TMEM132D: variants seen among roughly 807,000 people sequenced by gnomAD.
TMEM132D encodes mature OL transmembrane protein.
TMEM132D carries 21 observed loss-of-function variants against 62.3 expected under a neutral mutation model. The observed-to-expected ratio is 0.34, with a 90% CI of 0.24 to 0.49. The LOEUF is 0.49. TMEM132D is among the 20% of genes least tolerant of loss of function. TMEM132D has a pLI of 0.99. For synonymous variants in TMEM132D, 621 were observed against 575.6 expected (o/e 1.08, Z -1.13); for missense variants, 1,346 against 1,402.8 (o/e 0.96, Z 0.65).
chr12:129,610,995 A>G (rs1057058985), intron 2 of TMEM132D, among the ~76,000 whole-genome samples: 1 of 152,182 alleles, frequency 6.6e-6, no homozygotes, highest in African/African-American at 2.4e-5. Flanking sequence ...ATATTCATCA[A>G]TCCCCAAACT....
chr12:129,313,100 G>C (rs186564234), intron 4 of TMEM132D, among the ~76,000 whole-genome samples: 2 of 152,308 alleles, frequency 1.3e-5, no homozygotes, highest in Non-Finnish European at 2.9e-5. Flanking sequence ...ATGCTTACTA[G>C]AGAGCCAAGA....
intron 2 of TMEM132D, among the ~76,000 whole-genome samples, chr12:129,572,123 C>A (rs896005180): frequency 2.2e-4 from 33 of 152,210 alleles, no homozygotes; most frequent in Admixed American, 1.1e-3. Flanking sequence ...GGCCTCACTG[C>A]CCCTTCCCGA....
At chr12:129,859,637 G>C (rs189572162) in intron 1 of TMEM132D, among the ~76,000 whole-genome samples, 2 of 152,122 alleles carry the variant, frequency 1.3e-5, no homozygotes, top group African/African-American at 4.8e-5. Context: ...CTGCCAACGC[G>C]GCTAGAAAAA....
At chr12:129,390,311 A>G (rs1229915818) in intron 3 of TMEM132D, among the ~76,000 whole-genome samples, 2 of 152,104 alleles carry the variant, frequency 1.3e-5, no homozygotes, top group Non-Finnish European at 2.9e-5. Context: ...GGCCCAGTTG[A>G]GTAGCTGAGG....
chr12:129,602,672 G>A (rs185057138), intron 2 of TMEM132D, among the ~76,000 whole-genome samples: 94 of 152,168 alleles, frequency 6.2e-4, no homozygotes, highest in Non-Finnish European at 9.7e-4. Context: ...TGAGAGGCAG[G>A]TACAGAGATT....
At chr12:129,117,945 T>G (rs1875944162) in intron 5 of TMEM132D, among the ~76,000 whole-genome samples, 1 of 152,246 alleles carries the variant, frequency 6.6e-6, no homozygotes, top group Non-Finnish European at 1.5e-5. Context: ...GCAGGAAGCA[T>G]GTGTGGTGAC....
At chr12:129,323,252 TA>T (rs879489402) in intron 4 of TMEM132D, among the ~76,000 whole-genome samples, 7 of 151,324 alleles carry the variant, frequency 4.6e-5, no homozygotes, top group African/African-American at 1.5e-4. Flanking sequence ...TTTTACAATT[TA>T]AAAAAAAAGC....
intron 3 of TMEM132D, among the ~76,000 whole-genome samples, chr12:129,410,667 A>G (rs1871942496): frequency 6.6e-6 from 1 of 152,116 alleles, no homozygotes; most frequent in African/African-American, 2.4e-5. Flanking sequence ...GGCCTTCTCA[A>G]TGAACTTCTA....
intron 5 of TMEM132D, among the ~76,000 whole-genome samples, chr12:129,143,863 T>G (rs2135531696): frequency 6.6e-6 from 1 of 152,236 alleles, no homozygotes; most frequent in East Asian, 1.9e-4. Context: ...CGATACAATT[T>G]GAGAACTCAA....
chr12:129,808,013 A>G (rs1028961157), intron 1 of TMEM132D, among the ~76,000 whole-genome samples: 7 of 152,094 alleles, frequency 4.6e-5, no homozygotes, highest in African/African-American at 1.7e-4. Context: ...TGCTAGCAAA[A>G]CTCAGAGTAG....
intron 3 of TMEM132D, among the ~76,000 whole-genome samples, chr12:129,387,079 GAACACT>G (rs1335782134): frequency 1.3e-5 from 2 of 150,148 alleles, no homozygotes; most frequent in Non-Finnish European, 3.0e-5. Flanking sequence ...ACACCAACAC[GAACACT>G]AACACCAGCA....
chr12:129,287,165 C>A (rs1469847913), intron 4 of TMEM132D, among the ~76,000 whole-genome samples: 1 of 151,766 alleles, frequency 6.6e-6, no homozygotes, highest in Non-Finnish European at 1.5e-5. Context: ...AAGGAAAGTG[C>A]TCAAAAAAAG....
At chr12:129,246,996 A>G (rs1385119685) in intron 4 of TMEM132D, among the ~76,000 whole-genome samples, 1 of 152,220 alleles carries the variant, frequency 6.6e-6, no homozygotes, top group Non-Finnish European at 1.5e-5. Context: ...TTAAGCTGGT[A>G]TCAAAGGTAT....
chr12:129,850,107 T>G (rs1473887637), intron 1 of TMEM132D, among the ~76,000 whole-genome samples: 1 of 152,236 alleles, frequency 6.6e-6, no homozygotes, highest in East Asian at 1.9e-4. Context: ...TCTGAAGGTA[T>G]TTTGTGGGAG....
intron 3 of TMEM132D, among the ~76,000 whole-genome samples, chr12:129,429,440 A>G (rs1671168382): frequency 1.3e-5 from 2 of 152,110 alleles, no homozygotes; most frequent in Admixed American, 6.6e-5. Context: ...TGACTTCTAG[A>G]AAAACCCCAA....
intron 3 of TMEM132D, among the ~76,000 whole-genome samples, chr12:129,454,409 G>T (rs1205769845): frequency 6.6e-6 from 1 of 152,266 alleles, no homozygotes; most frequent in East Asian, 1.9e-4. Flanking sequence ...CAAGGCAGGG[G>T]TTTCTTATTC....
At chr12:129,583,681 CG>C (rs1784880014) in intron 2 of TMEM132D, among the ~76,000 whole-genome samples, 1 of 152,082 alleles carries the variant, frequency 6.6e-6, no homozygotes, top group Admixed American at 6.5e-5. Context: ...GAGAAAGACC[CG>C]TGGGGGGTGA....
intron 3 of TMEM132D, among the ~76,000 whole-genome samples, chr12:129,394,925 A>G (rs1871381624): frequency 6.6e-6 from 1 of 152,160 alleles, no homozygotes; most frequent in Admixed American, 6.5e-5. Context: ...CTCCTCTGTA[A>G]ACACACGAAC....
intron 4 of TMEM132D, among the ~76,000 whole-genome samples, chr12:129,211,363 G>A (rs1370739208): frequency 6.6e-6 from 1 of 152,118 alleles, no homozygotes; most frequent in Non-Finnish European, 1.5e-5. Flanking sequence ...TTCACTCATG[G>A]TTATTCAATC....
Sources: gnomAD v4.1 joint callset for allele counts (sites outside exome capture counted in the v4.1 genomes callset) on GRCh38, gnomAD v4.1.1 for gene constraint, MANE v1.5 for transcripts, NCBI Gene and HGNC (gene_info 2026-07-23, HGNC 2026-07-21) for gene names.